Variants in CCDC73 observed in about 807,000 individuals in gnomAD.
CCDC73 encodes the protein coiled-coil domain-containing protein 73.
CCDC73 carries 95 observed loss-of-function variants against 116.5 expected under a neutral mutation model. The ratio of observed to expected loss-of-function variants is 0.82; its 90% CI spans 0.69 to 0.97. The LOEUF is 0.97. CCDC73 is among the 50% of genes least tolerant of loss of function. CCDC73 has a pLI of 0.00. For synonymous variants in CCDC73, 398 were observed against 401.3 expected (o/e 0.99, Z 0.10); for missense variants, 1,066 against 1,206.8 (o/e 0.88, Z 1.73).
chr11:32,772,150 AG>A (rs1376704517), intron 1 of CCDC73, among the ~76,000 whole-genome samples: 2 of 152,204 alleles, frequency 1.3e-5, no homozygotes, highest in African/African-American at 4.8e-5. Context: ...ATTAAGTTGG[AG>A]GTGATTTGCT....
chr11:32,609,255 C>T (rs528594576), intron 17 of CCDC73, among the ~76,000 whole-genome samples: 40 of 152,298 alleles, frequency 2.6e-4, no homozygotes, highest in South Asian at 6.2e-4. Flanking sequence ...CCTTTAACAG[C>T]GCCCAAGTCA....
At chr11:32,636,151 C>G (rs1453044833) in intron 13 of CCDC73, among the ~76,000 whole-genome samples, 3 of 152,110 alleles carry the variant, frequency 2.0e-5, no homozygotes, top group Non-Finnish European at 4.4e-5. Flanking sequence ...AAAGCTAAAT[C>G]TGAGGACCGT....
At chr11:32,808,242 T>C in the CCDC73 span, among the ~76,000 whole-genome samples, 2 of 151,994 alleles carry the variant, frequency 1.3e-5, no homozygotes, top group East Asian at 3.9e-4. Context: ...AAAGGGAAAA[T>C]AACATACGGA....
chr11:32,615,951 A>G lies in CCDC73; in HGVS notation c.1364T>C (p.Ile455Thr), dbSNP rs1855469441. 3 of 1,558,206 alleles carry G rather than the reference A, an allele frequency of 1.9e-6. No homozygotes were observed. Among genetic ancestry groups the G allele is most frequent in the Non-Finnish European group, 2.6e-6 (3 of 1,141,652 alleles). ...EKKEGSFIEE[I>T]IIDDLQLFEK... ...AATTTTAAGGTTACCATCTATAATTATTTCCTCTATAAATGAGCCTTCTTT... is the reference window on the plus strand; with the variant it reads ...AATTTTAAGGTTACCATCTATAATTGTTTCCTCTATAAATGAGCCTTCTTT... Residue 455 changes from isoleucine (I) to threonine (T), a missense_variant, in exon 15 of 18, where the codon ATA (isoleucine) becomes ACA (threonine). Physicochemically the swap from Ile to Thr is moderately conservative, Grantham distance 89 (BLOSUM62 -1). Transcript: ENST00000335185.
intron 9 of CCDC73, among the ~76,000 whole-genome samples, chr11:32,657,304 A>G (rs1349489039): frequency 6.6e-6 from 1 of 152,226 alleles, no homozygotes; most frequent in Non-Finnish European, 1.5e-5. Flanking sequence ...TCACCTTTGG[A>G]TATGTACACT....
intron 2 of CCDC73, among the ~76,000 whole-genome samples, chr11:32,729,855 A>T (rs1850059923): frequency 6.6e-6 from 1 of 152,144 alleles, no homozygotes; most frequent in African/African-American, 2.4e-5. Flanking sequence ...TTATTTGTTC[A>T]ACTCTAGTAT....
At chr11:32,679,249 C>A (rs1856122683) in intron 7 of CCDC73, among the ~76,000 whole-genome samples, 1 of 152,026 alleles carries the variant, frequency 6.6e-6, no homozygotes, top group African/African-American at 2.4e-5. Flanking sequence ...TCTAAAATAC[C>A]CCTTAATTTC....
intron 3 of CCDC73, among the ~76,000 whole-genome samples, chr11:32,709,696 G>C (rs1477162856): frequency 6.6e-6 from 1 of 152,182 alleles, no homozygotes; most frequent in Non-Finnish European, 1.5e-5. Flanking sequence ...TCCTTGCCTG[G>C]TTTTGGTATT....
At chr11:32,664,725 T>C (rs1202415001) in intron 9 of CCDC73, among the ~76,000 whole-genome samples, 1 of 152,210 alleles carries the variant, frequency 6.6e-6, no homozygotes, top group East Asian at 1.9e-4. Context: ...AGCTTTTGAA[T>C]GTGTTTGCTC....
intron 2 of CCDC73, among the ~76,000 whole-genome samples, chr11:32,721,356 T>C (rs1240918121): frequency 6.6e-6 from 1 of 152,032 alleles, no homozygotes; most frequent in African/African-American, 2.4e-5. Context: ...CAGGAGGAAG[T>C]ATACTGATGT....
At chr11:32,700,616 T>C (rs1374817106) in intron 5 of CCDC73, among the ~76,000 whole-genome samples, 175 bp downstream of exon 5, 2 of 152,214 alleles carry the variant, frequency 1.3e-5, no homozygotes, top group Non-Finnish European at 2.9e-5. Context: ...AACATGATTA[T>C]CTTGGGTCCT....
At chr11:32,652,153 G>T (rs1054134108) in intron 12 of CCDC73, among the ~76,000 whole-genome samples, 1 of 151,932 alleles carries the variant, frequency 6.6e-6, no homozygotes, top group Admixed American at 6.6e-5. Context: ...AGAAACATAT[G>T]CCTAGCTGGC....
chr11:32,611,222 C>T lies in CCDC73; in HGVS notation c.2940G>A (p.Trp980Ter). 6.2e-7 allele frequency: 1 copy of T among 1,613,288 alleles called. No individual in the cohort carries two copies. Among genetic ancestry groups the T allele is most frequent in the Non-Finnish European group, 8.5e-7 (1 of 1,179,378 alleles). The change falls in exon 17 of 18, where the codon TGG becomes TGA. Residue 980 changes from tryptophan to a stop codon, truncating the protein, a stop_gained. Coordinates refer to ENST00000335185, the MANE Select transcript of CCDC73 (RefSeq NM_001008391.4). LOFTEE classifies it high-confidence loss of function. ...CTCCCTTGGGATCTGGATGGATACT[C>T]CAGTTATTCAAAGTGTCAGCAACTC... Reference protein sequence around the residue: ...INRVADTLNNWSIHPDPKGEP... With the variant: ...INRVADTLNN
intron 2 of CCDC73, among the ~76,000 whole-genome samples, chr11:32,729,860 T>C (rs1207004287): frequency 6.6e-6 from 1 of 152,192 alleles, no homozygotes; most frequent in Non-Finnish European, 1.5e-5. Flanking sequence ...TGTTCAACTC[T>C]AGTATACCTG....
chr11:32,830,376 G>C, the CCDC73 span: 2 of 895,402 alleles, frequency 2.2e-6, no homozygotes, highest in Non-Finnish European at 3.0e-6. Context: ...GGGTTCCGGC[G>C]ACCGAAACCG....
In CCDC73 at chr11:32,653,991, TG is replaced by T. The variant is rs1469704896; in HGVS notation, c.820del (p.Gln274LysfsTer32). On this transcript the variant is annotated frameshift_variant, in exon 11 of 18. Transcript: ENST00000335185. LOFTEE classifies it high-confidence loss of function. ...ATGATTGCTTACCTGTTTTTCTTCT[TG>T]AATATGGGTAATCTCTTCATTAATC... ...EKINEEITHI[Q>X]EEKQDIIISF... 40 of 1,599,502 alleles carry T rather than the reference TG, an allele frequency of 2.5e-5. No individual in the cohort carries two copies. The highest frequency in any genetic ancestry group is 3.4e-5 in the Non-Finnish European group (40 of 1,173,312).
the CCDC73 span, among the ~76,000 whole-genome samples, chr11:32,803,374 C>T: frequency 0.018 from 2,689 of 152,048 alleles, 83 homozygotes; most frequent in East Asian, 0.1. Flanking sequence ...TACAGGCGTG[C>T]GCCACCACAC....
chr11:32,630,299 A>G (rs1243641316), intron 14 of CCDC73, among the ~76,000 whole-genome samples: 3 of 152,198 alleles, frequency 2.0e-5, no homozygotes, highest in African/African-American at 4.8e-5. Flanking sequence ...GGCCAAATGC[A>G]GCCTGCTGCC....
At chr11:32,658,169 CT>C (rs1427135592) in intron 9 of CCDC73, among the ~76,000 whole-genome samples, 1 of 152,182 alleles carries the variant, frequency 6.6e-6, no homozygotes, top group African/African-American at 2.4e-5. Flanking sequence ...CATTCTCCCA[CT>C]ACTTTTATCT....
Sources: gnomAD v4.1 joint callset for allele counts (sites outside exome capture counted in the v4.1 genomes callset) on GRCh38, gnomAD v4.1.1 for gene constraint, MANE v1.5 for transcripts, NCBI Gene and HGNC (gene_info 2026-07-23, HGNC 2026-07-21) for gene names.